Variants in LTBP1 observed in about 807,000 individuals in gnomAD.
LTBP1 encodes latent transforming growth factor beta binding protein 1, also known as latent-transforming growth factor beta-binding protein 1.
Under a neutral mutation model 207.6 loss-of-function variants are expected in LTBP1, and 129 were observed. That is an observed-to-expected ratio of 0.62 (90% CI 0.54 to 0.72). The LOEUF is 0.72. Among genes scored for constraint, LTBP1 ranks in the 30% least tolerant of loss-of-function variants. LTBP1 has a pLI of 0.00. For missense variants in LTBP1, 2,281 were observed against 2,217.2 expected (o/e 1.03, Z -0.58); for synonymous variants, 963 against 833.7 (o/e 1.16, Z -2.67).
At chr2:32,977,069 G>C (rs1170806684) in intron 2 of LTBP1, among the ~76,000 whole-genome samples, 1 of 152,198 alleles carries the variant, frequency 6.6e-6, no homozygotes, top group East Asian at 1.9e-4. Context: ...GTGTTATCCT[G>C]GGGCAAAAGG....
At chr2:33,025,349 G>A (rs138819978) in intron 3 of LTBP1, among the ~76,000 whole-genome samples, 159 of 152,192 alleles carry the variant, frequency 1.0e-3, no homozygotes, top group African/African-American at 1.2e-3. Flanking sequence ...GAAGATTAAC[G>A]GTAATATAAG....
chr2:33,259,445 T>A, intron 12 of LTBP1, 143 bp from the exon 13 acceptor site: 1 of 509,404 alleles, frequency 2.0e-6, no homozygotes, highest in Non-Finnish European at 3.3e-6. Flanking sequence ...AAATGGCAGA[T>A]GATCCTAATT....
At chr2:33,111,156 A>G (rs1328465894) in intron 4 of LTBP1, among the ~76,000 whole-genome samples, 1 of 152,198 alleles carries the variant, frequency 6.6e-6, no homozygotes, top group Non-Finnish European at 1.5e-5. Flanking sequence ...AGGTTCTCCT[A>G]CAGTGGATAT....
intron 26 of LTBP1, among the ~76,000 whole-genome samples, chr2:33,348,518 T>C (rs1050877819): frequency 6.6e-6 from 1 of 152,156 alleles, no homozygotes; most frequent in Non-Finnish European, 1.5e-5. Flanking sequence ...AAGAGACTTT[T>C]CATTTTAATT....
chr2:33,211,528 C>T (rs2090313727), intron 7 of LTBP1, among the ~76,000 whole-genome samples: 1 of 152,184 alleles, frequency 6.6e-6, no homozygotes, highest in Non-Finnish European at 1.5e-5. Flanking sequence ...ATTTGCTGAA[C>T]TTCTCACTGC....
intron 3 of LTBP1, among the ~76,000 whole-genome samples, chr2:33,022,198 G>A (rs1191495234): frequency 1.3e-5 from 2 of 150,488 alleles, no homozygotes; most frequent in Non-Finnish European, 2.9e-5. Flanking sequence ...CTTCCCCTTC[G>A]AATAGACCAC....
At chr2:33,227,763 G>C (rs1202635454) in intron 9 of LTBP1, among the ~76,000 whole-genome samples, 1 of 145,336 alleles carries the variant, frequency 6.9e-6, no homozygotes, top group Non-Finnish European at 1.5e-5. Context: ...TGTGGATGAA[G>C]AAAGGGTTCA....
At chr2:33,002,833 A>G (rs1686238998) in intron 2 of LTBP1, among the ~76,000 whole-genome samples, 2 of 152,050 alleles carry the variant, frequency 1.3e-5, no homozygotes, top group South Asian at 4.2e-4. Context: ...TCATGCCACT[A>G]TGCCTGGCTA....
At chr2:33,106,677 C>T (rs994617107) in intron 3 of LTBP1, among the ~76,000 whole-genome samples, 3 of 151,670 alleles carry the variant, frequency 2.0e-5, no homozygotes, top group Non-Finnish European at 2.9e-5. Flanking sequence ...GTAAACCATG[C>T]TGCAAACGCA....
At chr2:33,355,139 G>T (rs151178988) in intron 26 of LTBP1, among the ~76,000 whole-genome samples, 3 of 151,950 alleles carry the variant, frequency 2.0e-5, no homozygotes, top group Admixed American at 6.6e-5. Context: ...ATTTATCCTC[G>T]CAGGCCCTCA....
At chr2:33,032,841 A>G (rs746002298) in intron 3 of LTBP1, among the ~76,000 whole-genome samples, 2 of 152,176 alleles carry the variant, frequency 1.3e-5, no homozygotes, top group Non-Finnish European at 2.9e-5. Flanking sequence ...AAATAATGGT[A>G]ATTGCCTTTC....
At chr2:33,178,812 A>G (rs575679260) in intron 5 of LTBP1, among the ~76,000 whole-genome samples, 6 of 152,184 alleles carry the variant, frequency 3.9e-5, no homozygotes, top group Non-Finnish European at 7.3e-5. Flanking sequence ...GATCCTGTGG[A>G]GGAACTTCCT....
At chr2:33,248,844 C>A (rs1044642982) in intron 10 of LTBP1, among the ~76,000 whole-genome samples, 7 of 152,132 alleles carry the variant, frequency 4.6e-5, no homozygotes, top group Admixed American at 1.3e-4. Context: ...ACCTCTGCCT[C>A]CCAAAGTGGT....
chr2:33,291,124 T>G (rs1224832033), intron 19 of LTBP1, among the ~76,000 whole-genome samples: 1 of 152,248 alleles, frequency 6.6e-6, no homozygotes, highest in Non-Finnish European at 1.5e-5. Context: ...CATGCAATTA[T>G]GTCTATAATA....
intron 2 of LTBP1, among the ~76,000 whole-genome samples, chr2:32,974,038 TG>T (rs1681331017): frequency 6.6e-6 from 1 of 152,256 alleles, no homozygotes; most frequent in Non-Finnish European, 1.5e-5. Context: ...TGTTAGCTAT[TG>T]TAAATAGTGC....
chr2:33,392,699 C>G (rs1574144367), intron 32 of LTBP1, among the ~76,000 whole-genome samples: 1 of 152,064 alleles, frequency 6.6e-6, no homozygotes, highest in East Asian at 1.9e-4. Context: ...GGGGAGCCTG[C>G]CTGATGTGTG....
intron 31 of LTBP1, among the ~76,000 whole-genome samples, chr2:33,374,342 C>T (rs938545556): frequency 6.6e-6 from 1 of 152,168 alleles, no homozygotes; most frequent in African/African-American, 2.4e-5. Flanking sequence ...TTACTTCAAC[C>T]TCCTTTATCC....
chr2:32,980,589 ATCT>A (rs1235367944), intron 2 of LTBP1, among the ~76,000 whole-genome samples: 1 of 152,142 alleles, frequency 6.6e-6, no homozygotes, highest in Non-Finnish European at 1.5e-5. Flanking sequence ...TGACTAGTTC[ATCT>A]TCTTTCTTCT....
chr2:33,350,047 C>A (rs749806653), intron 26 of LTBP1, among the ~76,000 whole-genome samples: 2 of 152,292 alleles, frequency 1.3e-5, no homozygotes, highest in African/African-American at 4.8e-5. Flanking sequence ...AGAGTTTGTA[C>A]CCTGTCCAGT....
Sources: gnomAD v4.1 joint callset for allele counts (sites outside exome capture counted in the v4.1 genomes callset) on GRCh38, gnomAD v4.1.1 for gene constraint, MANE v1.5 for transcripts, NCBI Gene and HGNC (gene_info 2026-07-23, HGNC 2026-07-21) for gene names.